The following RP1 variants were observed in gnomAD, a reference collection of about 807,000 sequenced individuals.
The protein encoded by RP1 is RP1 axonemal microtubule associated, also known as oxygen-regulated protein 1.
Under a neutral mutation model 14.8 loss-of-function variants are expected in RP1, and 16 were observed. The observed-to-expected ratio is 1.08, with a 90% confidence interval of 0.73 to 1.65. The LOEUF (loss-of-function observed/expected upper bound fraction) is 1.65, where lower values mean the gene tolerates loss of function less well. Among genes scored for constraint, RP1 ranks in the 40% most tolerant of loss-of-function variants. RP1 has a pLI of 0.00. For synonymous variants in RP1, 876 were observed against 883.6 expected (o/e 0.99, Z 0.15); for missense variants, 2,631 against 2,535.0 (o/e 1.04, Z -0.81).
intron 3 of RP1, among the ~76,000 whole-genome samples, chr8:54,648,612 C>G (rs1189795084): frequency 3.3e-5 from 5 of 152,034 alleles, no homozygotes; most frequent in African/African-American, 1.2e-4. Flanking sequence ...CATTAATTCT[C>G]AATGCACATG....
chr8:54,772,389 C>A (rs1809930598), downstream of RP1, among the ~76,000 whole-genome samples: 1 of 151,990 alleles, frequency 6.6e-6, no homozygotes, highest in African/African-American at 2.4e-5. Flanking sequence ...AATTCTAGTT[C>A]TAGAAGTTCT....
intron 24 of RP1, among the ~76,000 whole-genome samples, chr8:54,805,161 C>T (rs79596613): frequency 0.029 from 4,368 of 152,264 alleles, 121 homozygotes; most frequent in African/African-American, 0.064. Flanking sequence ...TTTAGATCAT[C>T]CTGGACAGAG....
chr8:54,774,040 C>T (rs1809975163), downstream of RP1, among the ~76,000 whole-genome samples: 1 of 152,174 alleles, frequency 6.6e-6, no homozygotes, highest in African/African-American at 2.4e-5. Flanking sequence ...AATGATTAGT[C>T]TCAGCTAAAC....
At chr8:54,750,251 T>G (rs1402533630) in intron 19 of RP1, among the ~76,000 whole-genome samples, 1 of 152,190 alleles carries the variant, frequency 6.6e-6, no homozygotes, top group African/African-American at 2.4e-5. Flanking sequence ...AATAAACATG[T>G]GTTGAGCACT....
intron 1 of RP1, among the ~76,000 whole-genome samples, chr8:54,600,162 T>C (rs1805241819): frequency 6.6e-6 from 1 of 152,138 alleles, no homozygotes; most frequent in African/African-American, 2.4e-5. Context: ...GTCTTTCCCA[T>C]GCTGTTCTCG....
intron 19 of RP1, among the ~76,000 whole-genome samples, chr8:54,744,257 G>T (rs1181146361): frequency 6.6e-6 from 1 of 152,162 alleles, no homozygotes; most frequent in African/African-American, 2.4e-5. Context: ...GCATGTGGAG[G>T]AAGTTCCCTC....
At chr8:54,736,473 C>T (rs1236210241) in intron 18 of RP1, among the ~76,000 whole-genome samples, 1 of 152,096 alleles carries the variant, frequency 6.6e-6, no homozygotes, top group Non-Finnish European at 1.5e-5. Context: ...TAATAATACT[C>T]ACTTAAAAGC....
chr8:54,843,840 G>A (rs1585740296), intron 25 of RP1, among the ~76,000 whole-genome samples: 1 of 152,186 alleles, frequency 6.6e-6, no homozygotes, highest in Non-Finnish European at 1.5e-5. Context: ...GGGAAAGGGG[G>A]CACCTGAGGA....
chr8:54,608,832 T>A (rs891472701), intron 1 of RP1, among the ~76,000 whole-genome samples: 1 of 152,284 alleles, frequency 6.6e-6, no homozygotes, highest in Admixed American at 6.5e-5. Flanking sequence ...GTTAGTAAAG[T>A]GTATTTGGGC....
intron 20 of RP1, chr8:54,755,600 C>G: frequency 6.5e-7 from 1 of 1,535,512 alleles, no homozygotes; most frequent in Non-Finnish European, 8.7e-7. Context: ...CTTATTTTCT[C>G]TCCCTGTTGC....
chr8:54,650,581 C>T (rs1476704905), intron 4 of RP1, among the ~76,000 whole-genome samples: 2 of 151,978 alleles, frequency 1.3e-5, no homozygotes, highest in African/African-American at 2.4e-5. Flanking sequence ...TGCAGTCACT[C>T]CCTGTTGCCT....
chr8:54,665,151 T>C (rs1806990303), intron 7 of RP1, among the ~76,000 whole-genome samples: 1 of 152,204 alleles, frequency 6.6e-6, no homozygotes, highest in African/African-American at 2.4e-5. Flanking sequence ...TTGTGACTGT[T>C]ATTTTGAATT....
At chr8:54,807,305 G>T (rs533433707) in intron 24 of RP1, among the ~76,000 whole-genome samples, 1 of 152,150 alleles carries the variant, frequency 6.6e-6, no homozygotes, top group Non-Finnish European at 1.5e-5. Context: ...GTCCTTCAAA[G>T]AACAAATTCT....
intron 24 of RP1, among the ~76,000 whole-genome samples, chr8:54,823,759 A>G (rs750007380): frequency 6.6e-6 from 1 of 152,228 alleles, no homozygotes; most frequent in African/African-American, 2.4e-5. Context: ...AGATGCTAAA[A>G]TAAATATGTA....
In RP1 at chr8:54,640,959, C is replaced by CTTT. The variant is rs34975591; in HGVS notation, c.788-8010_788-8008dup. ...ATATTTGCCCACCAATATAAATCTC[C>CTTT]TTTTTTTTTTTTTTTTTTGAGACAG... On this transcript the variant is annotated intron_variant, in intron 3 of 22. Coordinates refer to the RP1 transcript ENST00000636932. Among the ~76,000 whole-genome samples, 19 of 128,360 alleles carry CTTT rather than the reference C, an allele frequency of 1.5e-4. 1 individual carries two copies. In the South Asian group the frequency reaches 1.8e-3, roughly 12 times the overall value. 84.2% of individuals were successfully genotyped at this position (128,360 alleles called of 152,430 possible).
chr8:54,601,176 T>C (rs1442581744), intron 1 of RP1, among the ~76,000 whole-genome samples: 4 of 152,200 alleles, frequency 2.6e-5, no homozygotes, highest in Non-Finnish European at 4.4e-5. Flanking sequence ...AGGCAAATAA[T>C]GGGGTTTATC....
At chr8:54,812,807 A>ATCTATCTG in intron 24 of RP1, among the ~76,000 whole-genome samples, 1 of 121,266 alleles carries the variant, frequency 8.2e-6, no homozygotes, top group East Asian at 2.1e-4. Flanking sequence ...CTATCTATCT[A>ATCTATCTG]TCTCTCCGTC....
intron 24 of RP1, among the ~76,000 whole-genome samples, chr8:54,792,757 C>T (rs1810497559): frequency 1.3e-5 from 2 of 151,526 alleles, no homozygotes; most frequent in South Asian, 2.1e-4. Flanking sequence ...CTCAAATAAA[C>T]AAGCTAACTA....
intron 6 of RP1, among the ~76,000 whole-genome samples, chr8:54,662,414 G>A (rs532419187): frequency 2.0e-5 from 3 of 152,048 alleles, no homozygotes; most frequent in Non-Finnish European, 4.4e-5. Flanking sequence ...ATCCTGTTGT[G>A]CTGTGCACTT....
Sources: allele counts gnomAD v4.1 joint callset (sites outside exome capture counted in the v4.1 genomes callset), GRCh38; gene constraint gnomAD v4.1.1; transcripts MANE v1.5; gene names NCBI Gene and HGNC (gene_info 2026-07-23, HGNC 2026-07-21).